Variants in RBFOX1 observed in about 807,000 individuals in gnomAD.
RBFOX1 encodes the protein RNA binding protein fox-1 homolog 1.
In RBFOX1, 8 loss-of-function variants were observed where a neutral mutation model predicts 57.7. The ratio of observed to expected loss-of-function variants is 0.14; its 90% CI spans 0.08 to 0.25. RBFOX1 has a LOEUF of 0.25. Among genes scored for constraint, RBFOX1 ranks in the 10% least tolerant of loss-of-function variants. RBFOX1 has a pLI of 1.00. For synonymous variants in RBFOX1, 326 were observed against 222.4 expected (o/e 1.47, Z -4.15); for missense variants, 611 against 548.5 (o/e 1.11, Z -1.14).
intron 1 of RBFOX1, among the ~76,000 whole-genome samples, chr16:5,334,064 G>A (rs1214217095): frequency 6.6e-6 from 1 of 150,786 alleles, no homozygotes; most frequent in African/African-American, 2.5e-5. Flanking sequence ...TTTCTGTCAG[G>A]AGTACTCTTT....
At chr16:5,983,887 C>A (rs974731399) in intron 4 of RBFOX1, among the ~76,000 whole-genome samples, 2 of 146,686 alleles carry the variant, frequency 1.4e-5, no homozygotes, top group African/African-American at 5.0e-5. Context: ...TCCTTCCCTA[C>A]CCCTCCTCGT....
At chr16:7,585,393 G>C (rs2094050417) in intron 6 of RBFOX1, among the ~76,000 whole-genome samples, 1 of 152,194 alleles carries the variant, frequency 6.6e-6, no homozygotes, top group African/African-American at 2.4e-5. Flanking sequence ...TGCAGGATGA[G>C]TAAGCTGCAC....
chr16:6,676,142 G>GCGCACACACACACACACA (rs1197461775), intron 3 of RBFOX1, among the ~76,000 whole-genome samples: 1 of 145,860 alleles, frequency 6.9e-6, no homozygotes, highest in Admixed American at 6.8e-5. Context: ...ACACACACGC[G>GCGCACACACACACACACA]CACACACACA....
chr16:6,655,144 T>G (rs1409259701), intron 3 of RBFOX1, among the ~76,000 whole-genome samples: 2 of 149,744 alleles, frequency 1.3e-5, no homozygotes, highest in African/African-American at 2.4e-5. Context: ...GAGGCAGAGG[T>G]GGGTGGATCA....
intron 4 of RBFOX1, among the ~76,000 whole-genome samples, chr16:7,258,812 T>A (rs756282783): frequency 3.9e-5 from 6 of 152,154 alleles, no homozygotes; most frequent in African/African-American, 1.4e-4. Context: ...CTAACTGATG[T>A]CATTTCATGC....
intron 3 of RBFOX1, among the ~76,000 whole-genome samples, chr16:6,975,770 C>G (rs1240075290): frequency 1.3e-5 from 2 of 152,078 alleles, no homozygotes; most frequent in African/African-American, 2.4e-5. Flanking sequence ...CTAAAGTGTA[C>G]TTGGTGGGTA....
At chr16:6,477,238 A>G (rs2095287831) in intron 2 of RBFOX1, among the ~76,000 whole-genome samples, 1 of 152,238 alleles carries the variant, frequency 6.6e-6, no homozygotes, top group Non-Finnish European at 1.5e-5. Flanking sequence ...AATATTTTTT[A>G]GAATATTTCA....
At chr16:7,409,515 A>G (rs1021262798) in intron 4 of RBFOX1, among the ~76,000 whole-genome samples, 1 of 152,218 alleles carries the variant, frequency 6.6e-6, no homozygotes, top group Non-Finnish European at 1.5e-5. Flanking sequence ...AGCTGTTGCC[A>G]GTTGTTCCTG....
rs1163507074 is a variant in RBFOX1, at chr16:5,420,987, C to T, written c.220-46229C>T. Among the ~76,000 whole-genome samples, 2 of 84,728 alleles carry T rather than the reference C, an allele frequency of 2.4e-5. 1 individual carries two copies. The highest frequency in any genetic ancestry group is 4.1e-5 in the Non-Finnish European group (2 of 48,376). 55.6% of individuals were successfully genotyped at this position (84,728 alleles called of 152,430 possible). On this transcript the variant is annotated intron_variant, in intron 1 of 2. Coordinates refer to the RBFOX1 transcript ENST00000585867. Reference sequence around the variant, plus strand: ...CCTTTTCCTCCTCCTTCTTCCCTTCCTCCTCCTCCTCCTCCTCCTCCTTCC... The same window carrying T: ...CCTTTTCCTCCTCCTTCTTCCCTTCTTCCTCCTCCTCCTCCTCCTCCTTCC...
intron 3 of RBFOX1, among the ~76,000 whole-genome samples, chr16:6,815,096 C>T (rs922784561): frequency 2.0e-5 from 3 of 152,154 alleles, no homozygotes; most frequent in African/African-American, 4.8e-5. Flanking sequence ...CTGAGGGTTT[C>T]TCCCCATTTC....
chr16:7,482,893 G>C (rs556378239), intron 4 of RBFOX1, among the ~76,000 whole-genome samples: 2 of 152,184 alleles, frequency 1.3e-5, no homozygotes, highest in Admixed American at 6.5e-5. Context: ...GACTGAGAGG[G>C]GGGCAGCTTT....
At position 7,261,035 on chromosome 16, in the gene RBFOX1, G is replaced by C. The variant is rs143075047; in HGVS notation, c.27+208937G>C. 2.5e-3 allele frequency among the ~76,000 whole-genome samples: 386 copies of C among 152,234 alleles called. 3 individuals carry two copies. The highest frequency in any genetic ancestry group is 4.1e-3 in the Non-Finnish European group (279 of 68,020). On this transcript the variant is annotated intron_variant, in intron 4 of 15. Coordinates refer to ENST00000550418, the MANE Select transcript of RBFOX1 (RefSeq NM_018723.4). ...GGAAGTTTCTCCCAAGCCTACCTTG[G>C]CGTCTATGACTCCACCTGAAAAATG...
At chr16:5,975,721 C>T (rs1255447782) in intron 4 of RBFOX1, among the ~76,000 whole-genome samples, 1 of 152,168 alleles carries the variant, frequency 6.6e-6, no homozygotes, top group African/African-American at 2.4e-5. Context: ...TGTCAAAATG[C>T]TTGGGGTTGC....
At chr16:6,769,317 T>G (rs1297266238) in intron 3 of RBFOX1, among the ~76,000 whole-genome samples, 1 of 152,174 alleles carries the variant, frequency 6.6e-6, no homozygotes, top group African/African-American at 2.4e-5. Flanking sequence ...TCCATAGCCA[T>G]GTGGAACTGT....
intron 5 of RBFOX1, among the ~76,000 whole-genome samples, chr16:7,544,874 A>G (rs2083984937): frequency 6.6e-6 from 1 of 152,170 alleles, no homozygotes; most frequent in African/African-American, 2.4e-5. Flanking sequence ...AATTCTGGAC[A>G]TACTGGAATG....
At position 5,791,947 on chromosome 16, in the gene RBFOX1, G is replaced by A. The variant is rs1037302147; in HGVS notation, c.319-75356G>A. Among the ~76,000 whole-genome samples, 69 of 152,292 alleles carry A rather than the reference G, an allele frequency of 4.5e-4. 1 individual carries two copies. Among genetic ancestry groups the A allele is most frequent in the Non-Finnish European group, 2.6e-4 (18 of 68,020 alleles). ...GCCACCCTCCAGACTTCTTGGCGTT[G>A]CCTCTGGGGCTTGGAGGTCCTTTGT... On this transcript the variant is annotated intron_variant, in intron 3 of 19. Coordinates refer to the RBFOX1 transcript ENST00000641259.
intron 4 of RBFOX1, among the ~76,000 whole-genome samples, chr16:7,191,468 G>C (rs1389826703): frequency 6.6e-6 from 1 of 152,152 alleles, no homozygotes; most frequent in Non-Finnish European, 1.5e-5. Context: ...ATTGATCACA[G>C]TGGAATGTAA....
chr16:5,839,549 C>A (rs1191012996), intron 3 of RBFOX1, among the ~76,000 whole-genome samples: 1 of 152,150 alleles, frequency 6.6e-6, no homozygotes, highest in Non-Finnish European at 1.5e-5. Context: ...GAACTGCAAA[C>A]AACATACCTG....
At chr16:7,548,175 T>C (rs2085158391) in intron 5 of RBFOX1, among the ~76,000 whole-genome samples, 1 of 152,204 alleles carries the variant, frequency 6.6e-6, no homozygotes, top group South Asian at 2.1e-4. Context: ...TTTTCATATT[T>C]TATTTTTACT....
Sources: allele counts gnomAD v4.1 joint callset (sites outside exome capture counted in the v4.1 genomes callset), GRCh38; gene constraint gnomAD v4.1.1; transcripts MANE v1.5; gene names NCBI Gene and HGNC (gene_info 2026-07-23, HGNC 2026-07-21).